The following IGSF5 variants were observed in gnomAD, a reference collection of about 807,000 sequenced individuals.
IGSF5 encodes immunoglobulin superfamily member 5, also known as immunoglobulin superfamily 5 like.
In IGSF5, 41 loss-of-function variants were observed where a neutral mutation model predicts 39.4. That is an observed-to-expected ratio of 1.04 (90% CI 0.81 to 1.35). The LOEUF is 1.35. IGSF5 is among the 40% of genes most tolerant of loss of function. The pLI is 0.00. For missense variants in IGSF5, 487 were observed against 494.6 expected, an observed-to-expected ratio of 0.98 and a Z score of 0.15; for synonymous variants, 183 against 175.3, an observed-to-expected ratio of 1.04 and a Z score of -0.34.
chr21:39,766,852 A>G (rs982230415), intron 3 of IGSF5, among the ~76,000 whole-genome samples: 5 of 152,134 alleles, frequency 3.3e-5, no homozygotes, highest in Admixed American at 6.5e-5. Flanking sequence ...TTATCTCTAT[A>G]TATTTACTTG....
the IGSF5 span, among the ~76,000 whole-genome samples, chr21:39,734,221 G>A: frequency 0.031 from 4,648 of 152,106 alleles, 78 homozygotes; most frequent in African/African-American, 0.036. Flanking sequence ...TCAGGAGTTC[G>A]AGACCAGCCT....
intron 2 of IGSF5, among the ~76,000 whole-genome samples, chr21:39,758,283 G>T (rs1206917096): frequency 6.6e-6 from 1 of 152,042 alleles, no homozygotes; most frequent in Non-Finnish European, 1.5e-5. Flanking sequence ...CCTCTTCTGT[G>T]GGGCCCATTT....
At chr21:39,768,711 C>G (rs1199907830) in intron 3 of IGSF5, among the ~76,000 whole-genome samples, 2 of 152,226 alleles carry the variant, frequency 1.3e-5, no homozygotes, top group African/African-American at 4.8e-5. Context: ...CCTTTAGACT[C>G]AAGGGACAAA....
chr21:39,742,577 G>A (rs928249022), upstream of IGSF5, among the ~76,000 whole-genome samples: 2 of 152,224 alleles, frequency 1.3e-5, no homozygotes, highest in Non-Finnish European at 2.9e-5. Context: ...TTCATCCCCT[G>A]GGGCAGTGGG....
At chr21:39,777,736 G>A (rs1408839923) in intron 4 of IGSF5, among the ~76,000 whole-genome samples, 3 of 152,140 alleles carry the variant, frequency 2.0e-5, no homozygotes, top group Non-Finnish European at 2.9e-5. Context: ...GTGATCCCTA[G>A]ACCTGGTTCA....
In IGSF5 at chr21:39,771,134, T is replaced by C. The variant is rs2080112173; in HGVS notation, c.637T>C (p.Leu213=). 1 of 1,610,488 alleles carries C rather than the reference T, an allele frequency of 6.2e-7. No homozygotes were observed. Among genetic ancestry groups the C allele is most frequent in the African/African-American group, 1.3e-5 (1 of 74,872 alleles). ...LALTPQSNGT[L]TCVATWKSLK... ...TCTGACCCCACAGAGCAATGGGACT[T>C]TGACTTGCGTGGCTACCTGGAAGAG... Residue 213 remains leucine, a synonymous_variant, in exon 4 of 9, where the codon TTG becomes CTG. Coordinates refer to ENST00000380588, the MANE Select transcript of IGSF5 (RefSeq NM_001080444.2).
chr21:39,748,331 G>C, intron 2 of IGSF5, among the ~76,000 whole-genome samples: 1 of 14,114 alleles, frequency 7.1e-5, no homozygotes, highest in Non-Finnish European at 4.5e-4. Context: ...TTTTTTTTGA[G>C]ACAGCGTCTC....
At chr21:39,764,364 A>G (rs900942432) in intron 2 of IGSF5, among the ~76,000 whole-genome samples, 1 of 152,120 alleles carries the variant, frequency 6.6e-6, no homozygotes, top group African/African-American at 2.4e-5. Context: ...TTTTTTAGAC[A>G]GAGTCTTGCT....
chr21:39,716,572 C>A, the IGSF5 span, among the ~76,000 whole-genome samples: 76 of 152,258 alleles, frequency 5.0e-4, no homozygotes, highest in African/African-American at 1.8e-3. Context: ...TCATTTAGCT[C>A]CCGCTTGTAA....
At chr21:39,791,002 A>G (rs1431379247) in intron 6 of IGSF5, among the ~76,000 whole-genome samples, 1 of 152,230 alleles carries the variant, frequency 6.6e-6, no homozygotes, top group Non-Finnish European at 1.5e-5. Context: ...ACACCATTTT[A>G]TATCAGAGAC....
intron 4 of IGSF5, among the ~76,000 whole-genome samples, chr21:39,777,579 A>G (rs1403320769): frequency 6.6e-6 from 1 of 151,546 alleles, no homozygotes; most frequent in East Asian, 1.9e-4. Flanking sequence ...CATCTTCACC[A>G]TTTTTGGGAG....
intron 5 of IGSF5, among the ~76,000 whole-genome samples, chr21:39,780,683 C>T (rs547635495): frequency 6.6e-6 from 1 of 152,152 alleles, no homozygotes; most frequent in African/African-American, 2.4e-5. Flanking sequence ...TGAGATACTC[C>T]CACATCGTAT....
chr21:39,785,863 G>C lies in IGSF5; in HGVS notation c.935-2304G>C, dbSNP rs192178523. ...TCATGATTTGGCTCTCTGTTTGTCT[G>C]TTGTTGGTGTATAAGAATGCTTGGA... On this transcript the variant is annotated intron_variant, in intron 5 of 8. Transcript: ENST00000380588. Among the ~76,000 whole-genome samples the C allele has an allele frequency of 2.7e-3, 413 of 152,258 alleles. 1 individual carries two copies. The highest frequency in any genetic ancestry group is 9.2e-3 in the African/African-American group (384 of 41,548).
the IGSF5 span, among the ~76,000 whole-genome samples, chr21:39,714,787 A>G: frequency 1.3e-5 from 2 of 152,162 alleles, no homozygotes; most frequent in Non-Finnish European, 1.5e-5. Context: ...CCTTATCTTA[A>G]CTCATTACAT....
the IGSF5 span, among the ~76,000 whole-genome samples, chr21:39,714,030 C>T: frequency 6.6e-6 from 1 of 152,254 alleles, no homozygotes; most frequent in Non-Finnish European, 1.5e-5. Flanking sequence ...GAATTAACAT[C>T]GCCCTGGGAA....
At chr21:39,739,445 C>G in the IGSF5 span, among the ~76,000 whole-genome samples, 1 of 152,064 alleles carries the variant, frequency 6.6e-6, no homozygotes. Context: ...CCGTTTTTGC[C>G]TAATTAGCAT....
In IGSF5 at chr21:39,771,119, C is replaced by T; in HGVS notation, c.622C>T (p.Gln208Ter). 1 of 1,612,740 alleles carries T rather than the reference C, an allele frequency of 6.2e-7. No homozygotes were observed. The highest frequency in any genetic ancestry group is 8.5e-7 in the Non-Finnish European group (1 of 1,179,348). ...AGTGAGCATCCTGGCTCTGACCCCA[C>T]AGAGCAATGGGACTTTGACTTGCGT... ...SAVSILALTPQSNGTLTCVAT... is the reference protein window; with the variant it reads ...SAVSILALTP Residue 208 changes from glutamine (Q) to a stop codon, truncating the protein, a stop_gained, in exon 4 of 9, where the codon CAG (glutamine) becomes TAG (stop). Coordinates refer to ENST00000380588, the MANE Select transcript of IGSF5 (RefSeq NM_001080444.2). LOFTEE classifies it high-confidence loss of function.
chr21:39,722,657 T>A, the IGSF5 span: 1 of 152,200 alleles, frequency 6.6e-6, no homozygotes, highest in South Asian at 2.1e-4. Context: ...ACACCAACAA[T>A]ATTTAACTAA....
chr21:39,714,721 G>T, the IGSF5 span, among the ~76,000 whole-genome samples: 1 of 152,214 alleles, frequency 6.6e-6, no homozygotes, highest in Non-Finnish European at 1.5e-5. Context: ...GTGTCTGTGT[G>T]TAAATTTCTG....
Sources: allele counts gnomAD v4.1 joint callset (sites outside exome capture counted in the v4.1 genomes callset), GRCh38; gene constraint gnomAD v4.1.1; transcripts MANE v1.5; gene names NCBI Gene and HGNC (gene_info 2026-07-23, HGNC 2026-07-21).